The following DOCK3 variants were observed in gnomAD, a reference collection of about 807,000 sequenced individuals.
DOCK3 encodes the protein dedicator of cytokinesis protein 3.
Under a neutral mutation model 265.6 loss-of-function variants are expected in DOCK3, and 60 were observed. That is an observed-to-expected ratio of 0.23 (90% CI 0.18 to 0.28). The LOEUF is 0.28. Among genes scored for constraint, DOCK3 ranks in the 10% least tolerant of loss-of-function variants. DOCK3 has a pLI of 1.00. For missense variants in DOCK3, 1,981 were observed against 2,594.3 expected, an observed-to-expected ratio of 0.76 and a Z score of 5.14; for synonymous variants, 881 against 938.0, an observed-to-expected ratio of 0.94 and a Z score of 1.11.
intron 14 of DOCK3, among the ~76,000 whole-genome samples, chr3:51,223,052 C>T (rs1401459120): frequency 6.6e-6 from 1 of 152,196 alleles, no homozygotes; most frequent in African/African-American, 2.4e-5. Flanking sequence ...GATCCTCCCT[C>T]CTCAGCCTCC....
intron 1 of DOCK3, among the ~76,000 whole-genome samples, chr3:50,677,324 C>T (rs1297034460): frequency 6.6e-6 from 1 of 152,140 alleles, no homozygotes; most frequent in Admixed American, 6.5e-5. Context: ...AAACTCAGGA[C>T]ACATTTTTTT....
intron 12 of DOCK3, among the ~76,000 whole-genome samples, chr3:51,181,602 C>T (rs531967857): frequency 9.9e-5 from 15 of 151,900 alleles, no homozygotes; most frequent in African/African-American, 3.6e-4. Context: ...GCATAATAGC[C>T]TATTTAATAA....
chr3:51,380,615 TA>T (rs2088551177), intron 52 of DOCK3, among the ~76,000 whole-genome samples: 2 of 152,106 alleles, frequency 1.3e-5, no homozygotes, highest in Non-Finnish European at 2.9e-5. Context: ...CTCAGGAGAG[TA>T]AAATTTCCTA....
chr3:51,280,339 C>G (rs1393902602), intron 27 of DOCK3, 135 bp downstream of exon 27: 1 of 824,842 alleles, frequency 1.2e-6, no homozygotes. Context: ...CCCTGCTTTA[C>G]AGCTGAGTGT....
At chr3:51,234,276 C>T (rs1327688290) in intron 19 of DOCK3, among the ~76,000 whole-genome samples, 1 of 152,136 alleles carries the variant, frequency 6.6e-6, no homozygotes, top group Non-Finnish European at 1.5e-5. Context: ...ATTTGTTGGC[C>T]ATTTGTGTAT....
chr3:51,020,362 G>A (rs988095976), intron 5 of DOCK3, among the ~76,000 whole-genome samples: 1 of 151,590 alleles, frequency 6.6e-6, no homozygotes, highest in African/African-American at 2.4e-5. Context: ...TATAGATGGT[G>A]GATATTGACC....
intron 9 of DOCK3, among the ~76,000 whole-genome samples, chr3:51,093,738 C>T (rs1034354253): frequency 6.6e-6 from 1 of 152,192 alleles, no homozygotes; most frequent in African/African-American, 2.4e-5. Context: ...GCATCCTTGT[C>T]TTGTGCCAGT....
At chr3:51,268,541 C>G (rs896517489) in intron 23 of DOCK3, among the ~76,000 whole-genome samples, 2 of 152,232 alleles carry the variant, frequency 1.3e-5, no homozygotes, top group African/African-American at 2.4e-5. Context: ...CAGCCTCTCT[C>G]ATGTCCAGTC....
chr3:50,738,922 T>C (rs961418637), intron 1 of DOCK3, among the ~76,000 whole-genome samples: 2 of 152,200 alleles, frequency 1.3e-5, no homozygotes. Context: ...ATTGTTTACT[T>C]TTTGTAGGTC....
intron 16 of DOCK3, 21 bp downstream of exon 16, chr3:51,227,466 T>G (rs765887897): frequency 6.2e-7 from 1 of 1,613,096 alleles, no homozygotes; most frequent in African/African-American, 1.3e-5. Flanking sequence ...CTTCCCCCCC[T>G]CCACATTCCC....
intron 5 of DOCK3, among the ~76,000 whole-genome samples, chr3:51,021,118 A>C (rs763813131): frequency 1.1e-4 from 17 of 151,846 alleles, no homozygotes; most frequent in South Asian, 2.1e-4. Context: ...ATATTTTTCC[A>C]TTTGTTTTGT....
chr3:51,093,913 C>G (rs1309136417), intron 9 of DOCK3, among the ~76,000 whole-genome samples: 1 of 152,160 alleles, frequency 6.6e-6, no homozygotes, highest in Non-Finnish European at 1.5e-5. Context: ...TTTTCTGCAT[C>G]TATTGAGATA....
intron 9 of DOCK3, among the ~76,000 whole-genome samples, chr3:51,106,320 C>T (rs1182937127): frequency 1.3e-5 from 2 of 152,224 alleles, no homozygotes; most frequent in African/African-American, 4.8e-5. Context: ...ACTGGCAGGC[C>T]ACGCTTGGTC....
chr3:51,295,629 A>G (rs1250947113), intron 27 of DOCK3, among the ~76,000 whole-genome samples: 3 of 152,234 alleles, frequency 2.0e-5, no homozygotes, highest in Non-Finnish European at 4.4e-5. Flanking sequence ...TCAACCTTAT[A>G]AAGGGCATCT....
intron 22 of DOCK3, among the ~76,000 whole-genome samples, chr3:51,249,861 A>G (rs948174725): frequency 3.4e-5 from 5 of 147,124 alleles, no homozygotes; most frequent in African/African-American, 1.0e-4. Flanking sequence ...AAGATTGAGA[A>G]ATCGGATGGT....
At chr3:51,243,439 T>A (rs997701932) in intron 21 of DOCK3, among the ~76,000 whole-genome samples, 2 of 152,076 alleles carry the variant, frequency 1.3e-5, no homozygotes, top group Admixed American at 6.5e-5. Context: ...TTTTTTTTTT[T>A]ATAGTGGCCA....
At chr3:51,131,003 C>T (rs2084505637) in intron 9 of DOCK3, among the ~76,000 whole-genome samples, 1 of 152,154 alleles carries the variant, frequency 6.6e-6, no homozygotes, top group Non-Finnish European at 1.5e-5. Context: ...CCACTGCACC[C>T]GGGCACAATA....
chr3:50,679,575 A>G (rs2034242920), intron 1 of DOCK3, among the ~76,000 whole-genome samples: 1 of 152,204 alleles, frequency 6.6e-6, no homozygotes. Context: ...GTGCAGGAAA[A>G]GAATCTGAAG....
intron 9 of DOCK3, among the ~76,000 whole-genome samples, chr3:51,108,067 C>T (rs1192724729): frequency 1.5e-4 from 22 of 148,636 alleles, no homozygotes; most frequent in Admixed American, 2.1e-4. Flanking sequence ...GAGACAGAGT[C>T]TTGCTGTGTT....
Sources: gnomAD v4.1 joint callset for allele counts (sites outside exome capture counted in the v4.1 genomes callset) on GRCh38, gnomAD v4.1.1 for gene constraint, MANE v1.5 for transcripts, NCBI Gene and HGNC (gene_info 2026-07-23, HGNC 2026-07-21) for gene names.